RCOR1: variants seen among roughly 807,000 people sequenced by gnomAD.
RCOR1 encodes REST corepressor 1.
A neutral mutation model predicts 64.0 loss-of-function variants in RCOR1; 12 were observed. The observed-to-expected ratio is 0.19, with a 90% CI of 0.12 to 0.30. The LOEUF (loss-of-function observed/expected upper bound fraction) is 0.30, where lower values mean the gene tolerates loss of function less well. Among genes scored for constraint, RCOR1 ranks in the 10% least tolerant of loss-of-function variants. The pLI, the probability that RCOR1 is intolerant of heterozygous loss-of-function variation, is 1.00. For synonymous variants in RCOR1, 279 were observed against 227.2 expected (o/e 1.23, Z -2.05); for missense variants, 502 against 621.2 (o/e 0.81, Z 2.04).
intron 7 of RCOR1, among the ~76,000 whole-genome samples, 176 bp from the exon 8 acceptor site, chr14:102,714,245 CAG>C (rs1896018821): frequency 6.6e-6 from 1 of 152,150 alleles, no homozygotes; most frequent in Non-Finnish European, 1.5e-5. Flanking sequence ...AGTCAAAACT[CAG>C]TAGCCCAAAT....
chr14:102,649,462 A>C (rs1894541281), intron 2 of RCOR1, among the ~76,000 whole-genome samples: 1 of 152,190 alleles, frequency 6.6e-6, no homozygotes, highest in South Asian at 2.1e-4. Flanking sequence ...GAAGCTATTA[A>C]TATGTTTTCC....
At chr14:102,647,793 C>T (rs117765114) in intron 2 of RCOR1, among the ~76,000 whole-genome samples, 1,539 of 152,306 alleles carry the variant, frequency 0.01, 14 homozygotes, top group Admixed American at 0.015. Flanking sequence ...GTTATCCTGC[C>T]TCAGCCTCCT....
chr14:102,713,427 C>T (rs1012045011), intron 7 of RCOR1, among the ~76,000 whole-genome samples: 3 of 152,090 alleles, frequency 2.0e-5, no homozygotes, highest in South Asian at 2.1e-4. Context: ...GGGCTACAGG[C>T]GCCCGCCACC....
chr14:102,624,301 C>T (rs1893936565), intron 2 of RCOR1, among the ~76,000 whole-genome samples: 1 of 151,856 alleles, frequency 6.6e-6, no homozygotes, highest in African/African-American at 2.4e-5. Flanking sequence ...GTCAGGAGTT[C>T]AAGACCAGCC....
At chr14:102,676,337 G>T (rs1203015268) in intron 2 of RCOR1, among the ~76,000 whole-genome samples, 2 of 142,356 alleles carry the variant, frequency 1.4e-5, no homozygotes, top group African/African-American at 2.7e-5. Context: ...GCCGGGCGGG[G>T]GGCTGACCCC....
chr14:102,714,350 G>T (rs927845664), intron 7 of RCOR1, 73 bp from the exon 8 acceptor site: 1 of 961,692 alleles, frequency 1.0e-6, no homozygotes, highest in Non-Finnish European at 1.5e-6. Flanking sequence ...GCCATGTTAA[G>T]GAAATAAATA....
At chr14:102,607,967 A>G (rs141352078) in intron 2 of RCOR1, among the ~76,000 whole-genome samples, 3,555 of 152,058 alleles carry the variant, frequency 0.023, 131 homozygotes, top group African/African-American at 0.076. Flanking sequence ...GAGGCAGGAG[A>G]ATTGGTTGAA....
At chr14:102,650,665 C>T (rs1237594846) in intron 2 of RCOR1, among the ~76,000 whole-genome samples, 1 of 152,168 alleles carries the variant, frequency 6.6e-6, no homozygotes, top group Non-Finnish European at 1.5e-5. Context: ...AGAGTAAGTT[C>T]ATGCTTCTCA....
chr14:102,690,864 C>T (rs1264495216), intron 3 of RCOR1, among the ~76,000 whole-genome samples: 1 of 152,066 alleles, frequency 6.6e-6, no homozygotes, highest in Non-Finnish European at 1.5e-5. Flanking sequence ...TCTGTCAGTC[C>T]CCTCTTGGCA....
intron 2 of RCOR1, among the ~76,000 whole-genome samples, chr14:102,597,862 G>C (rs1001599805): frequency 6.6e-6 from 1 of 151,100 alleles, no homozygotes; most frequent in Non-Finnish European, 1.5e-5. Context: ...TGTTGCTCAG[G>C]CTGGGGTGCA....
In RCOR1 at chr14:102,722,431, A is replaced by G. The variant is rs766189282; in HGVS notation, c.1419+15A>G. 6.3e-7 allele frequency: 1 copy of G among 1,590,180 alleles called. No homozygotes were observed. Among genetic ancestry groups the G allele is most frequent in the South Asian group, 1.1e-5 (1 of 90,098 alleles). On this transcript the variant is annotated intron_variant, in intron 11 of 11. Transcript: ENST00000262241. The stretch of plus-strand genomic sequence containing the variant: ...AGGAAGACGAGGTAAATCTGAAACA[A>G]AACAGTCACTTCTCTTGTCAGGTTC...
intron 3 of RCOR1, among the ~76,000 whole-genome samples, chr14:102,685,787 C>T (rs1251653989): frequency 6.6e-6 from 1 of 152,120 alleles, no homozygotes; most frequent in African/African-American, 2.4e-5. Context: ...CATGGTGAAA[C>T]CCCATGTCTC....
intron 11 of RCOR1, among the ~76,000 whole-genome samples, chr14:102,725,752 T>C (rs1211830818): frequency 1.3e-5 from 2 of 151,866 alleles, no homozygotes; most frequent in Admixed American, 1.3e-4. Context: ...ATATTTCTTT[T>C]CAGTAGATAG....
In RCOR1 at chr14:102,721,312, A is replaced by G. The variant is rs1307254435; in HGVS notation, c.1132-8A>G. 4 of 1,611,438 alleles carry G rather than the reference A, an allele frequency of 2.5e-6. No individual in the cohort carries two copies. The highest frequency in any genetic ancestry group is 2.2e-5 in the South Asian group (2 of 90,954). ...TAATGTGCTAAAATGACTCATTTGGATATCCAGGTCATTCAGAAATGTAAT... is the reference window on the plus strand; with the variant it reads ...TAATGTGCTAAAATGACTCATTTGGGTATCCAGGTCATTCAGAAATGTAAT... On this transcript the variant is annotated splice_polypyrimidine_tract_variant and splice_region_variant and intron_variant, in intron 9 of 11. Transcript: ENST00000262241.
At position 102,639,831 on chromosome 14, in the gene RCOR1, T is replaced by TATTC. The variant is rs34567389; in HGVS notation, c.362-42033_362-42030dup. On this transcript the variant is annotated intron_variant, in intron 2 of 11. Coordinates refer to ENST00000262241, the MANE Select transcript of RCOR1 (RefSeq NM_015156.4). ...TACAGGTGTGACACTGAGCTCAGCC[T>TATTC]ATTCATTCATTCATTCATTCATTCA... is the stretch of plus-strand genomic sequence containing the variant. Among the ~76,000 whole-genome samples, 743 of 147,412 alleles carry TATTC rather than the reference T, an allele frequency of 5.0e-3. 7 individuals carry two copies. Among genetic ancestry groups the TATTC allele is most frequent in the African/African-American group, 0.013 (519 of 39,736 alleles).
intron 2 of RCOR1, chr14:102,657,212 G>T: frequency 3.0e-6 from 3 of 985,166 alleles, no homozygotes; most frequent in Non-Finnish European, 3.6e-6. Flanking sequence ...GTGCCTCACG[G>T]TGCTGGATAT....
chr14:102,677,598 C>T (rs1216669703), intron 2 of RCOR1, among the ~76,000 whole-genome samples: 4 of 107,758 alleles, frequency 3.7e-5, no homozygotes, highest in African/African-American at 1.2e-4. Flanking sequence ...ACATCTCAGA[C>T]GATGGGCGGC....
At chr14:102,720,346 G>A (rs1896150018) in intron 8 of RCOR1, among the ~76,000 whole-genome samples, 1 of 152,192 alleles carries the variant, frequency 6.6e-6, no homozygotes, top group African/African-American at 2.4e-5. Context: ...ATTGTTTGTG[G>A]TCTTTCTTTC....
chr14:102,710,782 C>A, intron 6 of RCOR1, 153 bp from the exon 7 acceptor site: 2 of 621,054 alleles, frequency 3.2e-6, no homozygotes, highest in Non-Finnish European at 5.7e-6. Flanking sequence ...GTTTTTATCT[C>A]AGCAGCCTGA....
Sources: gnomAD v4.1 joint callset for allele counts (sites outside exome capture counted in the v4.1 genomes callset) on GRCh38, gnomAD v4.1.1 for gene constraint, MANE v1.5 for transcripts, NCBI Gene and HGNC (gene_info 2026-07-23, HGNC 2026-07-21) for gene names.